Variants in RYR2 observed in about 807,000 individuals in gnomAD.
RYR2 encodes ryanodine receptor 2, also known as cardiac muscle ryanodine receptor-calcium release channel.
A neutral mutation model predicts 601.1 loss-of-function variants in RYR2; 227 were observed. The ratio of observed to expected loss-of-function variants is 0.38; its 90% CI spans 0.34 to 0.42. The LOEUF (loss-of-function observed/expected upper bound fraction) is 0.42, where lower values mean the gene tolerates loss of function less well. RYR2 is among the 10% of genes least tolerant of loss of function. RYR2 has a pLI of 1.00. For missense variants in RYR2, 4,646 were observed against 6,156.5 expected (o/e 0.75, Z 8.21); for synonymous variants, 2,223 against 2,175.1 (o/e 1.02, Z -0.61).
chr1:237,792,029 G>T (rs1658433137), intron 93 of RYR2, 76 bp from the exon 94 acceptor site: 2 of 1,037,024 alleles, frequency 1.9e-6, no homozygotes, highest in Middle Eastern at 2.2e-4. Flanking sequence ...TGAAAAGGCT[G>T]TATTTCTTTT....
At chr1:237,441,792 T>C (rs1352219774) in intron 13 of RYR2, among the ~76,000 whole-genome samples, 2 of 152,070 alleles carry the variant, frequency 1.3e-5, no homozygotes, top group Non-Finnish European at 1.5e-5. Flanking sequence ...CAAAGTCCGT[T>C]ACTGACATCC....
At chr1:237,357,803 T>C (rs535815662) in intron 4 of RYR2, among the ~76,000 whole-genome samples, 1 of 152,314 alleles carries the variant, frequency 6.6e-6, no homozygotes. Context: ...GACTAGAATC[T>C]GCTTTACTCC....
At chr1:237,097,985 GC>G (rs1667663507) in intron 1 of RYR2, among the ~76,000 whole-genome samples, 1 of 152,120 alleles carries the variant, frequency 6.6e-6, no homozygotes, top group African/African-American at 2.4e-5. Context: ...CATGTCCTTT[GC>G]CATTTTTCTT....
intron 2 of RYR2, among the ~76,000 whole-genome samples, chr1:237,273,871 A>T (rs1689961594): frequency 6.8e-6 from 1 of 148,004 alleles, no homozygotes; most frequent in Admixed American, 6.8e-5. Context: ...TATTTTATGA[A>T]CATATGTATA....
chr1:237,223,369 T>C (rs1684029820), intron 1 of RYR2, among the ~76,000 whole-genome samples: 1 of 152,232 alleles, frequency 6.6e-6, no homozygotes, highest in Non-Finnish European at 1.5e-5. Context: ...CACTCATGGC[T>C]GATTTCCTCT....
At chr1:237,544,516 A>C (rs1669604043) in intron 25 of RYR2, among the ~76,000 whole-genome samples, 1 of 152,122 alleles carries the variant, frequency 6.6e-6, no homozygotes, top group Admixed American at 6.5e-5. Context: ...TCTTTTATTT[A>C]CTTTAACTTT....
At chr1:237,830,828 T>C (rs1296507960) in intron 103 of RYR2, among the ~76,000 whole-genome samples, 198 bp downstream of exon 103, 2 of 152,226 alleles carry the variant, frequency 1.3e-5, no homozygotes, top group African/African-American at 4.8e-5. Flanking sequence ...CAGCTCTTCA[T>C]GTAAGTGATG....
chr1:237,120,990 T>TC (rs1414460757), intron 1 of RYR2: 1 of 152,056 alleles, frequency 6.6e-6, no homozygotes, highest in Non-Finnish European at 1.5e-5. Context: ...GGGAGGAACT[T>TC]CCTTCTTCTG....
chr1:237,328,563 G>A (rs1049407781), intron 2 of RYR2, among the ~76,000 whole-genome samples: 2 of 151,804 alleles, frequency 1.3e-5, no homozygotes, highest in Non-Finnish European at 2.9e-5. Flanking sequence ...AGGAGCCCAT[G>A]ATAGGAGGAT....
intron 1 of RYR2, among the ~76,000 whole-genome samples, chr1:237,204,517 AAG>A (rs1030588109): frequency 4.0e-5 from 6 of 151,854 alleles, no homozygotes; most frequent in African/African-American, 1.2e-4. Flanking sequence ...AAAAAAAAAA[AAG>A]AAAGAAAACT....
intron 1 of RYR2, among the ~76,000 whole-genome samples, chr1:237,165,671 T>G (rs558459490): frequency 6.6e-6 from 1 of 152,246 alleles, no homozygotes; most frequent in East Asian, 1.9e-4. Context: ...CCAGACCAGC[T>G]TGGGTATCAT....
rs770574179 is a variant in RYR2 at position 237,330,991 on chromosome 1, C to T, written c.273+9C>T. The T allele has an allele frequency of 3.6e-5, 58 of 1,601,950 alleles. No individual in the cohort carries two copies. Among genetic ancestry groups the T allele is most frequent in the South Asian group, 1.1e-4 (10 of 90,866 alleles). On this transcript the variant is annotated intron_variant, in intron 3 of 104. Coordinates refer to ENST00000366574, the MANE Select transcript of RYR2 (RefSeq NM_001035.3). ...TGGAGAAATCAGAAGGGGCAAGTAC[C>T]CAATTTATGTAGACTTGTAGTATTT...
At chr1:237,360,949 T>A (rs572160028) in intron 4 of RYR2, among the ~76,000 whole-genome samples, 1 of 152,266 alleles carries the variant, frequency 6.6e-6, no homozygotes, top group South Asian at 2.1e-4. Context: ...CAAGTGATAG[T>A]CCCACCTCAG....
chr1:237,313,586 A>C (rs57244918), intron 2 of RYR2, among the ~76,000 whole-genome samples: 13,256 of 152,170 alleles, frequency 0.087, 1,176 homozygotes, highest in African/African-American at 0.23. Flanking sequence ...ATCAATCTTG[A>C]TCATATTTTT....
rs567015781 is a variant in RYR2, at chr1:237,576,972, G to A, written c.3598+7653G>A. ...AGACCTGACAATACTCAGCATTGGA[G>A]AGCAGTACACCCATAGAACCTCTTT... On this transcript the variant is annotated intron_variant, in intron 29 of 104. Transcript: ENST00000366574. Among the ~76,000 whole-genome samples the A allele has an allele frequency of 1.5e-4, 23 of 152,284 alleles. No individual in the cohort carries two copies. In the East Asian group the frequency reaches 4.3e-3, roughly 28 times the overall value.
chr1:237,318,473 A>G (rs1236303368), intron 2 of RYR2, among the ~76,000 whole-genome samples: 1 of 152,130 alleles, frequency 6.6e-6, no homozygotes, highest in Non-Finnish European at 1.5e-5. Flanking sequence ...GAATTGAAGG[A>G]AGCTCCTTCA....
At chr1:237,050,740 A>G (rs1245197722) in intron 1 of RYR2, among the ~76,000 whole-genome samples, 1 of 152,242 alleles carries the variant, frequency 6.6e-6, no homozygotes, top group African/African-American at 2.4e-5. Context: ...AAGAAAGCTT[A>G]CAGGAAAAAT....
chr1:237,560,391 A>G (rs1671330030), intron 27 of RYR2, among the ~76,000 whole-genome samples: 1 of 152,252 alleles, frequency 6.6e-6, no homozygotes, highest in Admixed American at 6.5e-5. Context: ...TGGAATAAAG[A>G]CAAGTCTTAC....
At chr1:237,818,083 T>C (rs1662039590) in intron 100 of RYR2, among the ~76,000 whole-genome samples, 2 of 152,076 alleles carry the variant, frequency 1.3e-5, no homozygotes, top group African/African-American at 2.4e-5. Flanking sequence ...AGGGAAGTTT[T>C]TGGGAAAGCT....
Sources: gnomAD v4.1 joint callset for allele counts (sites outside exome capture counted in the v4.1 genomes callset) on GRCh38, gnomAD v4.1.1 for gene constraint, MANE v1.5 for transcripts, NCBI Gene and HGNC (gene_info 2026-07-23, HGNC 2026-07-21) for gene names.